GREB1: variants seen among roughly 807,000 people sequenced by gnomAD.
The protein encoded by GREB1 is protein GREB1.
A neutral mutation model predicts 200.7 loss-of-function variants in GREB1; 106 were observed. The ratio of observed to expected loss-of-function variants is 0.53; its 90% CI spans 0.45 to 0.62. The LOEUF is 0.62. GREB1 is among the 20% of genes least tolerant of loss of function. GREB1 has a pLI of 0.00. For synonymous variants in GREB1, 1,132 were observed against 1,092.4 expected (o/e 1.04, Z -0.72); for missense variants, 2,243 against 2,556.8 (o/e 0.88, Z 2.65).
chr2:11,515,463 G>A (rs1039100426), intron 1 of GREB1, among the ~76,000 whole-genome samples: 7 of 152,224 alleles, frequency 4.6e-5, no homozygotes, highest in African/African-American at 4.8e-5. Context: ...TAATGTAGAC[G>A]TGAGTGAGGC....
chr2:11,619,090 A>C (rs1683783171), intron 22 of GREB1, among the ~76,000 whole-genome samples, 171 bp downstream of exon 22: 1 of 152,114 alleles, frequency 6.6e-6, no homozygotes, highest in Admixed American at 6.5e-5. Context: ...GGCAGGACTC[A>C]TCTGCCACTC....
chr2:11,521,989 T>C (rs954490256), intron 1 of GREB1, among the ~76,000 whole-genome samples: 4 of 152,176 alleles, frequency 2.6e-5, no homozygotes, highest in Non-Finnish European at 5.9e-5. Context: ...GTAGTTAATC[T>C]CGGCTCTTTA....
intron 16 of GREB1, among the ~76,000 whole-genome samples, chr2:11,602,035 A>G (rs1424432766): frequency 1.3e-5 from 2 of 152,278 alleles, no homozygotes; most frequent in Non-Finnish European, 2.9e-5. Flanking sequence ...GATTTTTAGT[A>G]GCAACTGAAT....
intron 15 of GREB1, among the ~76,000 whole-genome samples, chr2:11,599,730 CAG>C (rs1347126665): frequency 1.3e-5 from 2 of 152,086 alleles, no homozygotes; most frequent in Admixed American, 6.5e-5. Flanking sequence ...CCGTGTTAGC[CAG>C]GATGGTCTCG....
intron 4 of GREB1, among the ~76,000 whole-genome samples, chr2:11,572,110 A>T (rs113903376): frequency 3.9e-4 from 60 of 152,284 alleles, no homozygotes; most frequent in African/African-American, 1.3e-3. Context: ...TATTTGTCAG[A>T]TTTGCATTTT....
chr2:11,503,121 C>T (rs1572558392), intron 1 of GREB1, among the ~76,000 whole-genome samples: 1 of 33,710 alleles, frequency 3.0e-5, no homozygotes, highest in Non-Finnish European at 6.0e-5. Context: ...CTTATTTCCC[C>T]ACCTGGCTTG....
intron 17 of GREB1, among the ~76,000 whole-genome samples, chr2:11,604,831 G>A (rs1164702985): frequency 1.3e-5 from 2 of 152,174 alleles, no homozygotes; most frequent in African/African-American, 4.8e-5. Context: ...AGAACATGGG[G>A]TTACTGCTTC....
chr2:11,619,177 G>A (rs1325449017), intron 22 of GREB1, among the ~76,000 whole-genome samples: 1 of 152,142 alleles, frequency 6.6e-6, no homozygotes, highest in Non-Finnish European at 1.5e-5. Context: ...ATCAGACTAC[G>A]GTTCCTCAAT....
intron 1 of GREB1, among the ~76,000 whole-genome samples, chr2:11,488,116 C>G (rs1672697161): frequency 6.6e-6 from 1 of 152,284 alleles, no homozygotes; most frequent in East Asian, 1.9e-4. Context: ...TTCTCAAATT[C>G]TAGTACCTGG....
At position 11,618,589 on chromosome 2, in the gene GREB1, C is replaced by T; in HGVS notation, c.3714C>T (p.Gly1238=). 6.2e-7 allele frequency: 1 copy of T among 1,613,140 alleles called. No individual in the cohort carries two copies. Among genetic ancestry groups the T allele is most frequent in the Non-Finnish European group, 8.5e-7 (1 of 1,179,922 alleles). The stretch of plus-strand genomic sequence containing the variant: ...CCTCATCCGTGGCGCCCGCTGCCGG[C>T]ACGTGGGTCCTGCAGGCCTCCCAGT... ...SSSSSVAPAA[G]TWVLQASQCS... is the part of the protein sequence containing the mutation. Residue 1238 remains glycine, a synonymous_variant, in exon 22 of 33, where the codon GGC becomes GGT. Transcript: ENST00000381486.
chr2:11,501,559 A>G (rs1381265699), intron 1 of GREB1, among the ~76,000 whole-genome samples: 1 of 151,916 alleles, frequency 6.6e-6, no homozygotes, highest in Non-Finnish European at 1.5e-5. Context: ...ATGCCCGGCT[A>G]ATTTTTGTAT....
Position 11,593,021 on chromosome 2 carries a change from G to C in GREB1, c.1591G>C (p.Glu531Gln). ...CAYSLAEGLSEMFRLLVEGKL... is the reference protein window; with the variant it reads ...CAYSLAEGLSQMFRLLVEGKL... Reference sequence around the variant, plus strand: ...TTACTCCCTGGCCGAGGGCCTCTCCGAGATGTTCCGGCTGTTGGTCGAGGG... The same window carrying C: ...TTACTCCCTGGCCGAGGGCCTCTCCCAGATGTTCCGGCTGTTGGTCGAGGG... Residue 531 changes from glutamate to glutamine, a missense_variant, in exon 11 of 33, where the codon GAG becomes CAG. By Grantham distance (29) the Glu-to-Gln change is conservative (BLOSUM62 2). Transcript: ENST00000381486. 6.2e-7 allele frequency: 1 copy of C among 1,613,180 alleles called. No individual in the cohort carries two copies. The highest frequency in any genetic ancestry group is 1.1e-5 in the South Asian group (1 of 90,846).
At chr2:11,591,401 C>G (rs375397931) in intron 10 of GREB1, 2 of 733,534 alleles carry the variant, frequency 2.7e-6, no homozygotes, top group Admixed American at 1.9e-5. Flanking sequence ...TCCAGCACAT[C>G]AAATACGAAA....
At chr2:11,598,958 T>C (rs1286234751) in intron 15 of GREB1, 98 bp downstream of exon 15, 2 of 1,015,338 alleles carry the variant, frequency 2.0e-6, no homozygotes, top group East Asian at 2.4e-5. Context: ...CCTGAAAAGA[T>C]GGATGATGTT....
At chr2:11,630,208 C>A in intron 26 of GREB1, 99 bp downstream of exon 26, 1 of 1,162,440 alleles carries the variant, frequency 8.6e-7, no homozygotes, top group Non-Finnish European at 1.2e-6. Context: ...AGTGCAGACA[C>A]CGATACAGGG....
At chr2:11,607,637 T>TATAC (rs1682525906) in intron 17 of GREB1, among the ~76,000 whole-genome samples, 1 of 99,954 alleles carries the variant, frequency 1.0e-5, no homozygotes, top group African/African-American at 3.3e-5. Flanking sequence ...TATACATATA[T>TATAC]ATATATTTAT....
At chr2:11,581,922 G>A (rs1302830542) in intron 7 of GREB1, among the ~76,000 whole-genome samples, 2 of 152,136 alleles carry the variant, frequency 1.3e-5, no homozygotes, top group South Asian at 2.1e-4. Context: ...AACAGAATCC[G>A]AGGCCTCCCA....
intron 1 of GREB1, among the ~76,000 whole-genome samples, chr2:11,549,553 G>A (rs1041879888): frequency 1.3e-5 from 2 of 152,184 alleles, no homozygotes; most frequent in African/African-American, 4.8e-5. Context: ...TAATGCTATA[G>A]TTGTCCTGTT....
chr2:11,560,004 C>G (rs988686207), intron 2 of GREB1, among the ~76,000 whole-genome samples: 1 of 152,170 alleles, frequency 6.6e-6, no homozygotes, highest in Admixed American at 6.5e-5. Flanking sequence ...CCCACAAGCC[C>G]GTTTGAAATG....
Sources: gnomAD v4.1 joint callset for allele counts (sites outside exome capture counted in the v4.1 genomes callset) on GRCh38, gnomAD v4.1.1 for gene constraint, MANE v1.5 for transcripts, NCBI Gene and HGNC (gene_info 2026-07-23, HGNC 2026-07-21) for gene names.